Variants in SSBP3 observed in about 807,000 individuals in gnomAD.
SSBP3 encodes the protein single-stranded DNA-binding protein 3.
In SSBP3, 5 loss-of-function variants were observed where a neutral mutation model predicts 69.6. The ratio of observed to expected loss-of-function variants is 0.07; its 90% CI spans 0.04 to 0.15. The LOEUF (loss-of-function observed/expected upper bound fraction) is 0.15, where lower values mean the gene tolerates loss of function less well. Among genes scored for constraint, SSBP3 ranks in the 10% least tolerant of loss-of-function variants. The pLI, the probability that SSBP3 is intolerant of heterozygous loss-of-function variation, is 1.00. For missense variants in SSBP3, 312 were observed against 534.0 expected (o/e 0.58, Z 4.10); for synonymous variants, 196 against 193.4 (o/e 1.01, Z -0.11).
chr1:54,231,995 C>A (rs1644387771), intron 14 of SSBP3, among the ~76,000 whole-genome samples: 1 of 152,132 alleles, frequency 6.6e-6, no homozygotes, highest in South Asian at 2.1e-4. Flanking sequence ...TGCCCGGCCC[C>A]CTATGATCTA....
At chr1:54,227,235 C>G (rs1222650557) in intron 17 of SSBP3, 75 bp from the exon 18 acceptor site, 1 of 871,264 alleles carries the variant, frequency 1.1e-6, no homozygotes, top group Non-Finnish European at 2.0e-6. Flanking sequence ...GTGCCAAGAG[C>G]CTGGGGTGAC....
chr1:54,255,166 G>T (rs1167114135), intron 7 of SSBP3, among the ~76,000 whole-genome samples: 1 of 138,640 alleles, frequency 7.2e-6, no homozygotes, highest in Admixed American at 7.1e-5. Context: ...GGCGGGGGGG[G>T]GGGTGGTTGG....
intron 14 of SSBP3, among the ~76,000 whole-genome samples, chr1:54,232,784 G>C (rs1468569610): frequency 6.6e-6 from 1 of 152,228 alleles, no homozygotes; most frequent in Non-Finnish European, 1.5e-5. Flanking sequence ...GGGTTTCGCT[G>C]TGTTGGCCGG....
chr1:54,372,761 C>G (rs2100685564), intron 4 of SSBP3, among the ~76,000 whole-genome samples: 1 of 152,258 alleles, frequency 6.6e-6, no homozygotes, highest in East Asian at 1.9e-4. Flanking sequence ...ACCTGTATTG[C>G]TAGTGTATAC....
chr1:54,410,719 C>G (rs907057761), upstream of SSBP3, among the ~76,000 whole-genome samples: 2 of 152,164 alleles, frequency 1.3e-5, no homozygotes, highest in African/African-American at 4.8e-5. Flanking sequence ...AGTGACCTTC[C>G]CCTCTGAGCC....
intron 3 of SSBP3, 143 bp downstream of exon 3, chr1:54,404,433 C>A: frequency 1.1e-6 from 1 of 916,216 alleles, no homozygotes; most frequent in Non-Finnish European, 1.7e-6. Context: ...CCAGCTGGGC[C>A]GGAGTGCCTC....
exon 11 of SSBP3, chr1:54,242,187 G>A (rs1644651286): frequency 6.2e-7 from 1 of 1,613,668 alleles, no homozygotes; most frequent in Non-Finnish European, 8.5e-7. Context: ...TTAGGATTGG[G>A]CCAGGGTCTG....
intron 9 of SSBP3, among the ~76,000 whole-genome samples, chr1:54,248,310 T>G (rs1644768108): frequency 1.3e-5 from 2 of 152,104 alleles, no homozygotes. Flanking sequence ...CAGGGCTCCC[T>G]CCCACAAGCT....
chr1:54,348,628 C>T (rs1022843064), intron 4 of SSBP3, among the ~76,000 whole-genome samples: 1 of 152,192 alleles, frequency 6.6e-6, no homozygotes, highest in African/African-American at 2.4e-5. Flanking sequence ...TACTGGAAGG[C>T]CAAGGAGATG....
chr1:54,337,912 T>C (rs1646539069), intron 4 of SSBP3, among the ~76,000 whole-genome samples: 1 of 152,198 alleles, frequency 6.6e-6, no homozygotes, highest in South Asian at 2.1e-4. Flanking sequence ...GGGGATCACT[T>C]GAGCCCAGTA....
exon 1 of SSBP3, chr1:54,406,323 C>G (rs887106266): frequency 5.7e-6 from 1 of 174,380 alleles, no homozygotes. Flanking sequence ...CGCGCCCGCC[C>G]GGCTCCGCCT....
chr1:54,324,858 G>A (rs1394728975), intron 4 of SSBP3, among the ~76,000 whole-genome samples: 1 of 152,178 alleles, frequency 6.6e-6, no homozygotes, highest in Non-Finnish European at 1.5e-5. Flanking sequence ...GGTTTCTGGA[G>A]GGTGGTTTTC....
At chr1:54,323,004 T>C (rs1557530806) in intron 4 of SSBP3, among the ~76,000 whole-genome samples, 1 of 152,192 alleles carries the variant, frequency 6.6e-6, no homozygotes. Context: ...CTCTGACCTA[T>C]GATTTTCAAG....
In SSBP3 at chr1:54,227,117, C is replaced by T. The variant is rs199692523; in HGVS notation, c.*14G>A. 4.6e-5 allele frequency: 73 copies of T among 1,591,108 alleles called. 2 individuals are homozygous for T. The East Asian group carries it at 8.8e-4, about 19-fold the overall frequency. On this transcript the variant is annotated 3_prime_UTR_variant, in exon 18 of 18. Coordinates refer to ENST00000610401, the Ensembl canonical transcript of SSBP3. ...TGCAATGCCTGCTCTCTCAGCGTCT[C>T]GGAGAAGGGGGGATCACACACTCAT...
chr1:54,394,373 C>A (rs947676535), intron 4 of SSBP3, among the ~76,000 whole-genome samples: 2 of 151,838 alleles, frequency 1.3e-5, no homozygotes, highest in Non-Finnish European at 2.9e-5. Context: ...CTGTTTACCT[C>A]CCCCCACTGC....
intron 9 of SSBP3, among the ~76,000 whole-genome samples, chr1:54,243,691 C>T (rs1644682318): frequency 6.6e-6 from 1 of 152,092 alleles, no homozygotes; most frequent in African/African-American, 2.4e-5. Context: ...GGTGAGGAGG[C>T]AGGGAGGCGA....
intron 3 of SSBP3, among the ~76,000 whole-genome samples, chr1:54,402,799 C>T (rs116749204): frequency 6.6e-6 from 1 of 152,318 alleles, no homozygotes; most frequent in African/African-American, 2.4e-5. Context: ...ACATACAAGT[C>T]CTATGTCAAC....
At chr1:54,274,762 G>A (rs1645254773) in intron 5 of SSBP3, among the ~76,000 whole-genome samples, 1 of 152,160 alleles carries the variant, frequency 6.6e-6, no homozygotes, top group East Asian at 1.9e-4. Flanking sequence ...CTGGGATCGC[G>A]TTGCTCCCCT....
intron 9 of SSBP3, among the ~76,000 whole-genome samples, chr1:54,245,841 T>C (rs1391168234): frequency 2.0e-5 from 3 of 152,248 alleles, no homozygotes; most frequent in Non-Finnish European, 4.4e-5. Context: ...GCTGGTGACT[T>C]TGGGCAAATT....
Sources: allele counts gnomAD v4.1 joint callset (sites outside exome capture counted in the v4.1 genomes callset), GRCh38; gene constraint gnomAD v4.1.1; transcripts MANE v1.5; gene names NCBI Gene and HGNC (gene_info 2026-07-23, HGNC 2026-07-21).